DLGAP1: variants seen among roughly 807,000 people sequenced by gnomAD.
DLGAP1 encodes the protein disks large-associated protein 1.
In DLGAP1, 11 loss-of-function variants were observed where a neutral mutation model predicts 90.8. The ratio of observed to expected loss-of-function variants is 0.12; its 90% CI spans 0.08 to 0.20. DLGAP1 has a LOEUF of 0.20. DLGAP1 is among the 10% of genes least tolerant of loss of function. The pLI is 1.00. For synonymous variants in DLGAP1, 558 were observed against 540.7 expected (o/e 1.03, Z -0.44); for missense variants, 1,050 against 1,333.8 (o/e 0.79, Z 3.31).
intron 1 of DLGAP1, among the ~76,000 whole-genome samples, chr18:4,300,138 T>C (rs1422729448): frequency 6.6e-6 from 1 of 152,168 alleles, no homozygotes; most frequent in Non-Finnish European, 1.5e-5. Context: ...AATTTAACAG[T>C]GTTGTCTTTT....
chr18:3,665,655 T>G (rs2146663450), intron 7 of DLGAP1, among the ~76,000 whole-genome samples: 1 of 152,292 alleles, frequency 6.6e-6, no homozygotes, highest in African/African-American at 2.4e-5. Context: ...ATTAAATGGG[T>G]TTAGTAGGCT....
Position 3,635,520 on chromosome 18 carries a change from T to C in DLGAP1, c.1592-53272A>G, listed in dbSNP as rs1224210286. ...TCATTCATTCTTGCAGCAGTGGGTG[T>C]GGTGACCTCTACTGTGACTAGCTGA... On this transcript the variant is annotated intron_variant, in intron 7 of 12. Transcript: ENST00000315677. 2.6e-5 allele frequency among the ~76,000 whole-genome samples: 4 copies of C among 151,574 alleles called. No homozygotes were observed. The South Asian group carries it at 6.3e-4, about 24-fold the overall frequency.
In DLGAP1 at chr18:3,502,418, T is replaced by A. The variant is rs531337677; in HGVS notation, c.2724+75A>T. The A allele has an allele frequency of 1.9e-6, 3 of 1,597,226 alleles. No individual in the cohort carries two copies. The East Asian group carries it at 6.7e-5, about 36-fold the overall frequency. ...TCACATTGTAAACAGCAGGACTGAATGCAGAAGCCTATTTAGACTGTCCAG... is the reference window on the plus strand; with the variant it reads ...TCACATTGTAAACAGCAGGACTGAAAGCAGAAGCCTATTTAGACTGTCCAG... On this transcript the variant is annotated intron_variant, in intron 12 of 12. Coordinates refer to ENST00000315677, the MANE Select transcript of DLGAP1 (RefSeq NM_004746.4).
chr18:4,283,579 G>A (rs569406676), intron 1 of DLGAP1, among the ~76,000 whole-genome samples: 235 of 152,200 alleles, frequency 1.5e-3, no homozygotes, highest in African/African-American at 5.4e-3. Flanking sequence ...TTTTCTTCAA[G>A]AAACCTTGTG....
chr18:4,080,565 G>C (rs2075590913), intron 2 of DLGAP1, among the ~76,000 whole-genome samples: 1 of 152,204 alleles, frequency 6.6e-6, no homozygotes, highest in South Asian at 2.1e-4. Context: ...CTGAGGCCTT[G>C]TTTGGATCTA....
intron 7 of DLGAP1, among the ~76,000 whole-genome samples, chr18:3,601,623 G>C (rs958327441): frequency 2.6e-5 from 4 of 151,652 alleles, no homozygotes; most frequent in Non-Finnish European, 5.9e-5. Context: ...TGGGCCAATC[G>C]TTTGAGGTCG....
intron 6 of DLGAP1, among the ~76,000 whole-genome samples, chr18:3,741,054 A>ACCC (rs2062925007): frequency 9.4e-6 from 1 of 105,950 alleles, no homozygotes; most frequent in African/African-American, 4.1e-5. Context: ...CACCACCACC[A>ACCC]CCATCACCAC....
intron 5 of DLGAP1, among the ~76,000 whole-genome samples, chr18:3,751,521 C>T (rs1272683631): frequency 6.7e-6 from 1 of 150,072 alleles, no homozygotes; most frequent in Admixed American, 6.7e-5. Context: ...TGGTCTTGAA[C>T]TCCTGGTCCC....
intron 1 of DLGAP1, among the ~76,000 whole-genome samples, chr18:4,227,357 T>C (rs1429406641): frequency 1.3e-5 from 2 of 151,934 alleles, no homozygotes; most frequent in Non-Finnish European, 2.9e-5. Flanking sequence ...ATGGACCTAA[T>C]AGATATTTAC....
At chr18:4,110,379 G>A (rs754397044) in intron 2 of DLGAP1, among the ~76,000 whole-genome samples, 2 of 152,180 alleles carry the variant, frequency 1.3e-5, no homozygotes, top group African/African-American at 2.4e-5. Context: ...TGTGGTGCGT[G>A]ACTGTCTATA....
chr18:3,655,394 G>A (rs532267270), intron 7 of DLGAP1: 1 of 152,316 alleles, frequency 6.6e-6, no homozygotes, highest in East Asian at 1.9e-4. Context: ...AGAAAATGAA[G>A]TCATTTTAAT....
intron 1 of DLGAP1, among the ~76,000 whole-genome samples, chr18:4,425,713 C>T (rs2083136630): frequency 6.6e-6 from 1 of 152,110 alleles, no homozygotes; most frequent in Non-Finnish European, 1.5e-5. Context: ...TAGACATGGC[C>T]AGCACCTTCA....
At chr18:4,115,811 C>A (rs1371237743) in intron 2 of DLGAP1, among the ~76,000 whole-genome samples, 1 of 152,178 alleles carries the variant, frequency 6.6e-6, no homozygotes, top group African/African-American at 2.4e-5. Context: ...TCCTACCAAC[C>A]TTCTCTGCAC....
At chr18:4,374,891 A>G (rs1253464291) in intron 1 of DLGAP1, among the ~76,000 whole-genome samples, 1 of 152,142 alleles carries the variant, frequency 6.6e-6, no homozygotes, top group African/African-American at 2.4e-5. Context: ...TAGTTTAAAT[A>G]TATCTACTAG....
At chr18:3,691,444 TA>T (rs931990796) in intron 7 of DLGAP1, among the ~76,000 whole-genome samples, 2 of 148,674 alleles carry the variant, frequency 1.3e-5, no homozygotes, top group South Asian at 2.1e-4. Context: ...AAAAAAAAAT[TA>T]CTCAGAAAAG....
At chr18:4,365,102 T>C (rs1244856890) in intron 1 of DLGAP1, among the ~76,000 whole-genome samples, 2 of 152,334 alleles carry the variant, frequency 1.3e-5, no homozygotes, top group Non-Finnish European at 1.5e-5. Flanking sequence ...TTAATCTTCC[T>C]TGTGAATATT....
chr18:3,905,198 T>C (rs2071871416), intron 3 of DLGAP1, among the ~76,000 whole-genome samples: 1 of 149,910 alleles, frequency 6.7e-6, no homozygotes, highest in South Asian at 2.1e-4. Context: ...AAACCCCATC[T>C]CTACTAAAAA....
At chr18:4,059,184 ACT>A (rs1168112420) in intron 2 of DLGAP1, among the ~76,000 whole-genome samples, 3 of 152,140 alleles carry the variant, frequency 2.0e-5, no homozygotes, top group Non-Finnish European at 4.4e-5. Context: ...CCATGGTAAG[ACT>A]GGTTCATTCC....
chr18:3,515,467 T>TAAAAA (rs2050780239), intron 10 of DLGAP1, among the ~76,000 whole-genome samples: 1 of 13,650 alleles, frequency 7.3e-5, no homozygotes. Context: ...AGATTCCATC[T>TAAAAA]CAAAAAAAAA....
Sources: gnomAD v4.1 joint callset for allele counts (sites outside exome capture counted in the v4.1 genomes callset) on GRCh38, gnomAD v4.1.1 for gene constraint, MANE v1.5 for transcripts, NCBI Gene and HGNC (gene_info 2026-07-23, HGNC 2026-07-21) for gene names.